METTL16: variants seen among roughly 807,000 people sequenced by gnomAD.
The protein encoded by METTL16 is RNA N(6)-adenosine-methyltransferase METTL16.
Under a neutral mutation model 57.9 loss-of-function variants are expected in METTL16, and 19 were observed. The observed-to-expected ratio is 0.33, with a 90% CI of 0.23 to 0.48. METTL16 has a LOEUF of 0.48. Ranked by LOEUF, METTL16 falls within the 20% of genes least tolerant of loss-of-function variation. The pLI is 0.99. For missense variants in METTL16, 434 were observed against 691.5 expected (o/e 0.63, Z 4.18); for synonymous variants, 246 against 255.6 (o/e 0.96, Z 0.36).
intron 1 of METTL16, among the ~76,000 whole-genome samples, chr17:2,503,082 A>T (rs1376614848): frequency 3.3e-5 from 5 of 152,230 alleles, no homozygotes; most frequent in Non-Finnish European, 7.3e-5. Context: ...CTGATTCAGC[A>T]ATTCCACTCC....
At chr17:2,465,100 A>C (rs2067182050) in intron 5 of METTL16, among the ~76,000 whole-genome samples, 1 of 152,238 alleles carries the variant, frequency 6.6e-6, no homozygotes, top group East Asian at 1.9e-4. Context: ...AAACGTGAGC[A>C]AAAGATATGA....
At chr17:2,481,305 TATCA>T (rs1292021165) in intron 2 of METTL16, among the ~76,000 whole-genome samples, 27 of 149,938 alleles carry the variant, frequency 1.8e-4, no homozygotes, top group East Asian at 3.9e-4. Flanking sequence ...TTGATAATGA[TATCA>T]ATTATCAGAT....
chr17:2,445,056 T>G (rs577363957), intron 6 of METTL16, among the ~76,000 whole-genome samples: 1 of 152,136 alleles, frequency 6.6e-6, no homozygotes, highest in Non-Finnish European at 1.5e-5. Flanking sequence ...TTCACCATGT[T>G]AGCCACAATG....
intron 6 of METTL16, among the ~76,000 whole-genome samples, chr17:2,445,638 T>TA (rs2066989526): frequency 6.6e-6 from 1 of 151,694 alleles, no homozygotes; most frequent in Non-Finnish European, 1.5e-5. Flanking sequence ...ATACAAAAAT[T>TA]AGACAGGTGT....
chr17:2,463,873 T>C (rs2067171395), intron 6 of METTL16, among the ~76,000 whole-genome samples: 1 of 152,012 alleles, frequency 6.6e-6, no homozygotes. Flanking sequence ...ATGCCTATAA[T>C]TCCAGCACTT....
In METTL16 at chr17:2,481,483, G is replaced by C. The variant is rs373031271; in HGVS notation, c.129-3598C>G. Among the ~76,000 whole-genome samples the C allele has an allele frequency of 2.8e-4, 42 of 152,152 alleles. 2 individuals are homozygous for C. The South Asian group carries it at 8.7e-3, about 32-fold the overall frequency. On this transcript the variant is annotated intron_variant, in intron 2 of 9. Coordinates refer to ENST00000263092, the MANE Select transcript of METTL16 (RefSeq NM_024086.4). ...ACAGCAAGCAAGACCCAAAAAAGCA[G>C]GCACAATTAAACAAAATTCAGGAAG...
At chr17:2,489,647 G>A (rs566068110) in intron 2 of METTL16, among the ~76,000 whole-genome samples, 35 of 141,012 alleles carry the variant, frequency 2.5e-4, no homozygotes, top group Admixed American at 4.6e-4. Flanking sequence ...GCTGAGGCAG[G>A]AGAATCGCTT....
At position 2,502,241 on chromosome 17, in the gene METTL16, T is replaced by TA; in HGVS notation, c.90dup (p.Lys31Ter). 6.2e-7 allele frequency: 1 copy of TA among 1,614,008 alleles called. No homozygotes were observed. The highest frequency in any genetic ancestry group is 8.5e-7 in the Non-Finnish European group (1 of 1,179,950). ...TTCAGATTTATCTGAACATGCTGCT[T>TA]AAAATCTGGATATTTGGATGCCAGA... is the stretch of plus-strand genomic sequence containing the variant. On this transcript the variant is annotated frameshift_variant, in exon 2 of 10. Transcript: ENST00000263092. LOFTEE classifies it high-confidence loss of function.
chr17:2,496,221 C>G (rs2067444006), intron 2 of METTL16, among the ~76,000 whole-genome samples: 1 of 151,680 alleles, frequency 6.6e-6, no homozygotes, highest in South Asian at 2.1e-4. Context: ...TGGATCCTCT[C>G]AAAGTCCCTA....
chr17:2,476,035 A>C (rs2067266328), intron 3 of METTL16, among the ~76,000 whole-genome samples: 1 of 152,222 alleles, frequency 6.6e-6, no homozygotes, highest in Non-Finnish European at 1.5e-5. Context: ...AGAGAAGTAG[A>C]TGATTTCAGA....
At chr17:2,465,496 G>A (rs920413875) in intron 5 of METTL16, among the ~76,000 whole-genome samples, 8 of 134,616 alleles carry the variant, frequency 5.9e-5, no homozygotes, top group African/African-American at 1.2e-4. Context: ...GCAGTGAAAC[G>A]AGATCACGCC....
chr17:2,455,104 TTTG>T, intron 6 of METTL16: 1 of 193,666 alleles, frequency 5.2e-6, no homozygotes, highest in Admixed American at 5.9e-5. Context: ...TTTTTTTTTT[TTTG>T]AGACGGAGTC....
intron 1 of METTL16, among the ~76,000 whole-genome samples, chr17:2,511,277 T>C (rs1227571935): frequency 6.6e-6 from 1 of 151,834 alleles, no homozygotes; most frequent in African/African-American, 2.4e-5. Context: ...TCTTGACCAT[T>C]AACCCTCTTC....
At chr17:2,459,398 T>C (rs1389649731) in intron 6 of METTL16, among the ~76,000 whole-genome samples, 2 of 152,184 alleles carry the variant, frequency 1.3e-5, no homozygotes, top group African/African-American at 4.8e-5. Flanking sequence ...AACAAAACTG[T>C]TAACTGCTGC....
At chr17:2,460,598 A>G (rs2067142576) in intron 6 of METTL16, among the ~76,000 whole-genome samples, 1 of 152,072 alleles carries the variant, frequency 6.6e-6, no homozygotes, top group South Asian at 2.1e-4. Context: ...CAAAAGCCAT[A>G]ATGAGGGTTG....
intron 6 of METTL16, among the ~76,000 whole-genome samples, chr17:2,452,585 T>TTCCTAA: frequency 6.6e-6 from 1 of 152,196 alleles, no homozygotes; most frequent in African/African-American, 2.4e-5. Context: ...GCACTCTACT[T>TTCCTAA]ATTACAACAT....
intron 8 of METTL16, 114 bp downstream of exon 8, chr17:2,437,995 A>C: frequency 1.3e-6 from 1 of 782,002 alleles, no homozygotes. Context: ...TTCTGACATA[A>C]GCATTTGGGA....
intron 8 of METTL16, among the ~76,000 whole-genome samples, chr17:2,431,814 T>C (rs912178366): frequency 1.3e-5 from 2 of 152,170 alleles, no homozygotes; most frequent in African/African-American, 4.8e-5. Context: ...TGTTTAAAAA[T>C]AACCTTATCA....
At position 2,418,879 on chromosome 17, in the gene METTL16, C is replaced by G. The variant is rs1250171403; in HGVS notation, c.*1091G>C. 2 of 152,238 alleles carry G rather than the reference C, an allele frequency of 1.3e-5. No homozygotes were observed. Among genetic ancestry groups the G allele is most frequent in the Non-Finnish European group, 2.9e-5 (2 of 68,076 alleles). 9.4% of individuals were successfully genotyped at this position (152,238 alleles called of 1,614,324 possible). On this transcript the variant is annotated 3_prime_UTR_variant, in exon 10 of 10. Transcript: ENST00000263092. ...TAGGCTGCTGATGCAACATCAAGCA[C>G]AGCAAAAGGTCACCCCTTTCCGGGG...
Sources: gnomAD v4.1 joint callset for allele counts (sites outside exome capture counted in the v4.1 genomes callset) on GRCh38, gnomAD v4.1.1 for gene constraint, MANE v1.5 for transcripts, NCBI Gene and HGNC (gene_info 2026-07-23, HGNC 2026-07-21) for gene names.